Variants in MIB2 observed in about 807,000 individuals in gnomAD.
The protein encoded by MIB2 is MIB E3 ubiquitin protein ligase 2.
In MIB2, 78 loss-of-function variants were observed where a neutral mutation model predicts 96.6. That is an observed-to-expected ratio of 0.81 (90% CI 0.67 to 0.97). The LOEUF is 0.97. Ranked by LOEUF, MIB2 falls within the 50% of genes least tolerant of loss-of-function variation. The pLI, the probability that MIB2 is intolerant of heterozygous loss-of-function variation, is 0.00. For synonymous variants in MIB2, 820 were observed against 629.5 expected (o/e 1.30, Z -4.53); for missense variants, 1,543 against 1,424.0 (o/e 1.08, Z -1.35).
At chr1:1,615,015 CAAA>C (rs70937160), upstream of MIB2, 36 of 147,026 alleles carry the variant, frequency 2.4e-4, no homozygotes, top group South Asian at 1.3e-3. Flanking sequence ...GCTCCGTCTC[CAAA>C]AAAAAAAAAA....
intron 4 of MIB2, chr1:1,624,159 G>A: frequency 1.7e-6 from 1 of 597,536 alleles, no homozygotes; most frequent in South Asian, 2.3e-5. Flanking sequence ...CAGGCAGCCA[G>A]CATCCCCCAG....
rs1333290768 is a variant in MIB2 at position 1,626,616 on chromosome 1, TG to T, written c.973-28del. On this transcript the variant is annotated intron_variant, in intron 8 of 19. Transcript: ENST00000355826. The surrounding 1 kb of genome is among the most constrained non-coding windows in gnomAD (Gnocchi z 5.3). ...ATGAGCCTGGGCAGCCACACACAGC[TG>T]GGGGGCCCCTCACGCCCCTCTTTGT... The T allele has an allele frequency of 3.3e-6, 5 of 1,497,076 alleles. No homozygotes were observed. In the African/African-American group the frequency reaches 4.2e-5, roughly 13 times the overall value. The allele number at this position is 1,497,076 out of a possible 1,614,324, so 92.7% of individuals were successfully genotyped here.
At position 1,616,808 on chromosome 1, in the gene MIB2, C is replaced by T. The variant is rs1015897340; in HGVS notation, c.-23+194C>T. 1.4e-4 allele frequency: 72 copies of T among 531,320 alleles called. No individual in the cohort carries two copies. In the African/African-American group the frequency reaches 1.4e-3, roughly 10 times the overall value. The allele number at this position is 531,320 out of a possible 1,614,324, so 32.9% of individuals were successfully genotyped here. On this transcript the variant is annotated intron_variant, in intron 2 of 19. Coordinates refer to ENST00000355826, the MANE Select transcript of MIB2 (RefSeq NM_001170687.4). ...AAGAAAGCAGAGGTGCCAGACAGGC[C>T]TCTGATAGGCACCTGCAGGATTGGG...
chr1:1,615,843 G>A, intron 1 of MIB2: 1 of 1,232,722 alleles, frequency 8.1e-7, no homozygotes, highest in South Asian at 2.7e-5. Context: ...CCGGCCACCC[G>A]CGCGGGACTC....
At position 1,626,885 on chromosome 1, in the gene MIB2, C is replaced by T. The variant is rs748782576; in HGVS notation, c.1126C>T (p.Leu376=). Residue 376 remains leucine (L), a synonymous_variant, in exon 10 of 20, where the codon CTG becomes TTG. Coordinates refer to ENST00000355826, the MANE Select transcript of MIB2 (RefSeq NM_001170687.4). This position sits in a 1 kb window ranked among gnomAD's most constrained non-coding sequence, Gnocchi z 5.3. ...KVVKVFGDGN[L]RVAVAGQRWT... is the part of the protein sequence containing the mutation. ...GGTGAAAGTGTTTGGAGACGGGAAC[C>T]TGCGTGTAGCAGTCGCTGGTCAGCG... The T allele has an allele frequency of 1.9e-6, 3 of 1,606,454 alleles. No homozygotes were observed. Among genetic ancestry groups the T allele is most frequent in the Non-Finnish European group, 1.7e-6 (2 of 1,179,638 alleles).
Position 1,628,054 on chromosome 1 carries a change from C to G in MIB2, c.1716C>G (p.Ile572Met), listed in dbSNP as rs376455318. ...AHSDTPLHSA[I>M]SAGTGASGIV... ...CGGACACGCCCCTGCACTCCGCCATCTCGGCGGGCACTGGAGCCAGCGGCA... is the reference window on the plus strand; with the variant it reads ...CGGACACGCCCCTGCACTCCGCCATGTCGGCGGGCACTGGAGCCAGCGGCA... Residue 572 changes from isoleucine to methionine, a missense_variant, in exon 14 of 20, where the codon ATC becomes ATG. By Grantham distance (10) the Ile-to-Met change is conservative (BLOSUM62 1). Coordinates refer to ENST00000355826, the MANE Select transcript of MIB2 (RefSeq NM_001170687.4). 1 of 1,613,048 alleles carries G rather than the reference C, an allele frequency of 6.2e-7. No individual in the cohort carries two copies. The highest frequency in any genetic ancestry group is 8.5e-7 in the Non-Finnish European group (1 of 1,179,988).
At position 1,630,475 on chromosome 1, in the gene MIB2, G is replaced by C. The variant is rs751553744; in HGVS notation, c.2813G>C (p.Ser938Thr). The change falls in exon 20 of 20, where the codon AGC (serine) becomes ACC (threonine). Residue 938 changes from serine to threonine, a missense_variant. Physicochemically the swap from Ser to Thr is moderately conservative, Grantham distance 58 (BLOSUM62 1). Transcript: ENST00000355826. ...GACAPCGSAL[S>T]ACPICRQPIR... ...TGCGCCCCCTGCGGCTCCGCGCTCA[G>C]CGCCTGCCCCATCTGCCGCCAGCCC... 34 of 1,593,320 alleles carry C rather than the reference G, an allele frequency of 2.1e-5. No individual in the cohort carries two copies. The South Asian group carries it at 3.2e-4, about 15-fold the overall frequency.
intron 2 of MIB2, among the ~76,000 whole-genome samples, chr1:1,621,731 G>A (rs988604334): frequency 7.2e-5 from 11 of 152,250 alleles, no homozygotes; most frequent in African/African-American, 2.7e-4. Context: ...AGGCCAAGCT[G>A]GCCAGGAAGT....
At chr1:1,629,608 G>A in intron 18 of MIB2, 31 bp from the exon 19 acceptor site, 1 of 1,570,868 alleles carries the variant, frequency 6.4e-7, no homozygotes. Context: ...GGCTAGTAGG[G>A]CCGCAGCCAA....
At chr1:1,620,086 C>T (rs1250834493) in intron 2 of MIB2, among the ~76,000 whole-genome samples, 1 of 152,224 alleles carries the variant, frequency 6.6e-6, no homozygotes, top group Non-Finnish European at 1.5e-5. Context: ...CTCTGCCCAT[C>T]CCCCCAAGGG....
In MIB2 at chr1:1,628,341, C is replaced by T. The variant is rs886405701; in HGVS notation, c.1910C>T (p.Ala637Val). Reference sequence around the variant, plus strand: ...GCCAAGAAGGAGGACGGCTTCACGGCGCTGCATCTGGCTGCCCTCAACAAC... The same window carrying T: ...GCCAAGAAGGAGGACGGCTTCACGGTGCTGCATCTGGCTGCCCTCAACAAC... ...VDAKKEDGFT[A>V]LHLAALNNHR... Residue 637 changes from alanine to valine, a missense_variant, in exon 15 of 20, where the codon GCG becomes GTG. Physicochemically the swap from Ala to Val is moderately conservative, Grantham distance 64 (BLOSUM62 0). Coordinates refer to ENST00000355826, the MANE Select transcript of MIB2 (RefSeq NM_001170687.4). 17 of 1,612,724 alleles carry T rather than the reference C, an allele frequency of 1.1e-5. No individual in the cohort carries two copies. The highest frequency in any genetic ancestry group is 1.2e-5 in the Non-Finnish European group (14 of 1,179,938).
At chr1:1,614,251 A>G (rs1643411570), upstream of MIB2, 1 of 152,238 alleles carries the variant, frequency 6.6e-6, no homozygotes, top group South Asian at 2.1e-4. Context: ...GGGAGCTCTC[A>G]TGCAGGAATA....
Position 1,626,625 on chromosome 1 carries a change from CCT to C in MIB2, c.973-23_973-22del, listed in dbSNP as rs1480549363. The C allele has an allele frequency of 6.6e-7, 1 of 1,518,004 alleles. No homozygotes were observed. Among genetic ancestry groups the C allele is most frequent in the South Asian group, 1.3e-5 (1 of 76,998 alleles). 94.0% of individuals were successfully genotyped at this position (1,518,004 alleles called of 1,614,324 possible). On this transcript the variant is annotated intron_variant, in intron 8 of 19. Coordinates refer to ENST00000355826, the MANE Select transcript of MIB2 (RefSeq NM_001170687.4). This position sits in a 1 kb window ranked among gnomAD's most constrained non-coding sequence, Gnocchi z 5.3. The stretch of plus-strand genomic sequence containing the variant: ...GGCAGCCACACACAGCTGGGGGGCC[CCT>C]CACGCCCCTCTTTGTCGCTCAGCAC...
At chr1:1,623,348 G>A in intron 2 of MIB2, 83 bp from the exon 3 acceptor site, 1 of 1,547,274 alleles carries the variant, frequency 6.5e-7, no homozygotes, top group Non-Finnish European at 8.7e-7. Context: ...ACTCTGACCG[G>A]GAGTGTCCCA....
At position 1,626,623 on chromosome 1, in the gene MIB2, C is replaced by T; in HGVS notation, c.973-27C>T. On this transcript the variant is annotated intron_variant, in intron 8 of 19. Transcript: ENST00000355826. This position sits in a 1 kb window ranked among gnomAD's most constrained non-coding sequence, Gnocchi z 5.3. ...TGGGCAGCCACACACAGCTGGGGGG[C>T]CCCTCACGCCCCTCTTTGTCGCTCA... 2 of 1,510,146 alleles carry T rather than the reference C, an allele frequency of 1.3e-6. No individual in the cohort carries two copies. Among genetic ancestry groups the T allele is most frequent in the Non-Finnish European group, 1.8e-6 (2 of 1,129,338 alleles). 93.5% of individuals were successfully genotyped at this position (1,510,146 alleles called of 1,614,324 possible). A position where few individuals can be genotyped will look rare whatever the true frequency, so the allele number is the denominator to read the frequency against.
Position 1,626,465 on chromosome 1 carries a change from G to A in MIB2, c.973-185G>A, listed in dbSNP as rs986094998. The A allele has an allele frequency of 9.2e-5, 54 of 584,768 alleles. No homozygotes were observed. The African/African-American group carries it at 9.4e-4, about 10-fold the overall frequency. 36.2% of individuals were successfully genotyped at this position (584,768 alleles called of 1,614,324 possible). A position where few individuals can be genotyped will look rare whatever the true frequency, so the allele number is the denominator to read the frequency against. On this transcript the variant is annotated intron_variant, in intron 8 of 19. Transcript: ENST00000355826. This position sits in a 1 kb window ranked among gnomAD's most constrained non-coding sequence, Gnocchi z 5.3. ...GGCTCTGGGGCTAGGGACACCCAGG[G>A]CTGCCTTGGACACCTGGGGCTCTCG...
chr1:1,616,361 G>A (rs1643676618), intron 1 of MIB2, 147 bp from the exon 2 acceptor site: 1 of 610,100 alleles, frequency 1.6e-6, no homozygotes, highest in African/African-American at 2.0e-5. Context: ...ACCCCAGGGA[G>A]CCCATCCGGG....
Position 1,626,833 on chromosome 1 carries a change from G to A in MIB2, c.1078-4G>A, listed in dbSNP as rs535775620. ...CCTGCTGTGACCCCCTCCCCTCCCC[G>A]CAGGCCCTGGGCCGCGTCGGGAAGG... On this transcript the variant is annotated splice_polypyrimidine_tract_variant and splice_region_variant and intron_variant, in intron 9 of 19. Coordinates refer to ENST00000355826, the MANE Select transcript of MIB2 (RefSeq NM_001170687.4). The surrounding 1 kb of genome is among the most constrained non-coding windows in gnomAD (Gnocchi z 5.3). 242 of 1,557,904 alleles carry A rather than the reference G, an allele frequency of 1.6e-4. 1 individual carries two copies. In the East Asian group the frequency reaches 4.8e-3, roughly 31 times the overall value.
chr1:1,627,321 C>A lies in MIB2; in HGVS notation c.1400C>A (p.Thr467Asn). The change falls in exon 12 of 20, where the codon ACC becomes AAC. Residue 467 changes from threonine (T) to asparagine (N), a missense_variant. Thr to Asn is a moderately conservative substitution (Grantham distance 65). Transcript: ENST00000355826. The part of the protein sequence containing the change: ...EQVDTKNQGR[T>N]ALQVAAYLGQ... ...GTGGACACCAAGAACCAAGGCAGGA[C>A]CGCTCTGCAAGTGGCTGCCTACCTG... is the stretch of plus-strand genomic sequence containing the variant. 6.2e-7 allele frequency: 1 copy of A among 1,613,228 alleles called. No individual in the cohort carries two copies. The highest frequency in any genetic ancestry group is 8.5e-7 in the Non-Finnish European group (1 of 1,179,978).
Sources: allele counts gnomAD v4.1 joint callset (sites outside exome capture counted in the v4.1 genomes callset), GRCh38; gene constraint gnomAD v4.1.1; non-coding constraint Gnocchi (gnomAD v3.1); transcripts MANE v1.5; gene names NCBI Gene and HGNC (gene_info 2026-07-23, HGNC 2026-07-21).